The following GATAD2B variants were observed in gnomAD, a reference collection of about 807,000 sequenced individuals.
The protein encoded by GATAD2B is GATA zinc finger domain containing 2B, also known as transcriptional repressor p66-beta.
In GATAD2B, 8 loss-of-function variants were observed where a neutral mutation model predicts 64.3. The observed-to-expected ratio is 0.12, with a 90% CI of 0.07 to 0.22. The LOEUF (loss-of-function observed/expected upper bound fraction) is 0.22. Among genes scored for constraint, GATAD2B ranks in the 10% least tolerant of loss-of-function variants. GATAD2B has a pLI of 1.00. For synonymous variants in GATAD2B, 281 were observed against 271.3 expected (o/e 1.04, Z -0.35); for missense variants, 453 against 752.0 (o/e 0.60, Z 4.65).
chr1:153,828,891 T>C (rs1381168971), intron 1 of GATAD2B, among the ~76,000 whole-genome samples: 1 of 152,134 alleles, frequency 6.6e-6, no homozygotes, highest in African/African-American at 2.4e-5. Flanking sequence ...CTTTTCACTT[T>C]GATTTTTTTT....
intron 1 of GATAD2B, among the ~76,000 whole-genome samples, chr1:153,873,226 C>T (rs1676724338): frequency 6.6e-6 from 1 of 152,152 alleles, no homozygotes; most frequent in Non-Finnish European, 1.5e-5. Flanking sequence ...AACTGCTAGG[C>T]TACTCTAACA....
At position 153,888,650 on chromosome 1, in the gene GATAD2B, A is replaced by G. The variant is rs116954961; in HGVS notation, c.-2+34083T>C. ...TAACAACTGTTATCAACTAAGTGCC[A>G]CAGACGAAAGAGAAAGTAGTTTTAG... On this transcript the variant is annotated intron_variant, in intron 1 of 10. Coordinates refer to ENST00000368655, the MANE Select transcript of GATAD2B (RefSeq NM_020699.4). Among the ~76,000 whole-genome samples, 20 of 152,344 alleles carry G rather than the reference A, an allele frequency of 1.3e-4. No homozygotes were observed. The East Asian group carries it at 3.9e-3, about 29-fold the overall frequency.
chr1:153,832,085 C>G (rs1675097471), intron 1 of GATAD2B, among the ~76,000 whole-genome samples: 1 of 152,128 alleles, frequency 6.6e-6, no homozygotes. Context: ...TGTTGTGGCA[C>G]ATGCCTGTAA....
intron 1 of GATAD2B, among the ~76,000 whole-genome samples, chr1:153,841,339 C>T (rs1675487505): frequency 6.6e-6 from 1 of 152,060 alleles, no homozygotes; most frequent in Admixed American, 6.6e-5. Flanking sequence ...AATTTTGTCA[C>T]ATTTGTAAGT....
intron 1 of GATAD2B, among the ~76,000 whole-genome samples, chr1:153,884,035 G>A (rs7522220): frequency 1.1e-3 from 166 of 152,342 alleles, no homozygotes; most frequent in African/African-American, 3.5e-3. Context: ...GGTGGCTCAC[G>A]CCTATAATCC....
intron 1 of GATAD2B, among the ~76,000 whole-genome samples, chr1:153,898,592 G>A (rs184533385): frequency 5.9e-5 from 9 of 151,494 alleles, no homozygotes; most frequent in African/African-American, 2.2e-4. Flanking sequence ...TTAGCCAGGT[G>A]TGCCAGTGCA....
At chr1:153,845,248 C>G (rs547960835) in intron 1 of GATAD2B, among the ~76,000 whole-genome samples, 1 of 152,000 alleles carries the variant, frequency 6.6e-6, no homozygotes, top group Non-Finnish European at 1.5e-5. Flanking sequence ...CTAATATTTA[C>G]GGTCAATTGA....
At chr1:153,874,731 C>A (rs1280375892) in intron 1 of GATAD2B, among the ~76,000 whole-genome samples, 1 of 151,934 alleles carries the variant, frequency 6.6e-6, no homozygotes, top group Non-Finnish European at 1.5e-5. Flanking sequence ...TGCATGCCAT[C>A]ATGCCCAGCT....
chr1:153,829,664 A>G lies in GATAD2B; in HGVS notation c.-1-1316T>C, dbSNP rs2101892873. ...AGGCAAAGAATTGCTTGAACCCAGA[A>G]GGCAGAGGCTGCAGTGAGCTGAGAT... On this transcript the variant is annotated intron_variant, in intron 1 of 10. Coordinates refer to ENST00000368655, the MANE Select transcript of GATAD2B (RefSeq NM_020699.4). Among the ~76,000 whole-genome samples, 3 of 152,314 alleles carry G rather than the reference A, an allele frequency of 2.0e-5. No individual in the cohort carries two copies. The South Asian group carries it at 6.2e-4, about 32-fold the overall frequency.
At chr1:153,870,460 C>T (rs1676624568) in intron 1 of GATAD2B, among the ~76,000 whole-genome samples, 1 of 152,080 alleles carries the variant, frequency 6.6e-6, no homozygotes, top group African/African-American at 2.4e-5. Flanking sequence ...ATAGTCTCAG[C>T]TACTCAGGAG....
chr1:153,837,401 G>A (rs558701937), intron 1 of GATAD2B, among the ~76,000 whole-genome samples: 3 of 150,346 alleles, frequency 2.0e-5, no homozygotes, highest in Non-Finnish European at 3.0e-5. Context: ...CAGTAGAATA[G>A]AGGTTTCCAG....
chr1:153,848,054 A>G (rs908138401), intron 1 of GATAD2B, among the ~76,000 whole-genome samples: 10 of 152,160 alleles, frequency 6.6e-5, no homozygotes, highest in African/African-American at 2.2e-4. Flanking sequence ...ATCCTTTAAT[A>G]AATTCCCCAG....
intron 1 of GATAD2B, among the ~76,000 whole-genome samples, chr1:153,916,287 A>G (rs1326314485): frequency 6.6e-6 from 1 of 151,992 alleles, no homozygotes; most frequent in Non-Finnish European, 1.5e-5. Context: ...GAAAAAAAAA[A>G]AAAAAAGAAA....
chr1:153,857,413 T>G (rs1676125130), intron 1 of GATAD2B, among the ~76,000 whole-genome samples: 1 of 152,094 alleles, frequency 6.6e-6, no homozygotes, highest in African/African-American at 2.4e-5. Flanking sequence ...GCCACTGCAC[T>G]CTAGCCTGGG....
chr1:153,823,548 C>T (rs906379854), intron 2 of GATAD2B, among the ~76,000 whole-genome samples: 46 of 152,144 alleles, frequency 3.0e-4, no homozygotes, highest in African/African-American at 1.1e-3. Flanking sequence ...TGAGGTACCA[C>T]TATGTTGCCC....
At chr1:153,895,181 A>G (rs1327359485) in intron 1 of GATAD2B, among the ~76,000 whole-genome samples, 5 of 151,904 alleles carry the variant, frequency 3.3e-5, no homozygotes, top group Admixed American at 3.3e-4. Context: ...ACAAACAAAA[A>G]GTTAGCTGGG....
chr1:153,831,332 G>A (rs999619700), intron 1 of GATAD2B, among the ~76,000 whole-genome samples: 1 of 152,104 alleles, frequency 6.6e-6, no homozygotes, highest in Non-Finnish European at 1.5e-5. Context: ...ACCTGGGTCT[G>A]TTGGGGGGTA....
At chr1:153,866,031 C>T (rs1004418691) in intron 1 of GATAD2B, among the ~76,000 whole-genome samples, 1 of 151,936 alleles carries the variant, frequency 6.6e-6, no homozygotes, top group Non-Finnish European at 1.5e-5. Flanking sequence ...ATGGTCAAAC[C>T]CTGTCTATAC....
At chr1:153,918,512 A>G (rs11581644) in intron 1 of GATAD2B, among the ~76,000 whole-genome samples, 41,019 of 152,200 alleles carry the variant, frequency 0.27, 6,091 homozygotes, top group Admixed American at 0.38. Context: ...TGTCTAATCT[A>G]AATCCTACTA....
Sources: allele counts gnomAD v4.1 joint callset (sites outside exome capture counted in the v4.1 genomes callset), GRCh38; gene constraint gnomAD v4.1.1; transcripts MANE v1.5; gene names NCBI Gene and HGNC (gene_info 2026-07-23, HGNC 2026-07-21).